The following KIF13A variants were observed in gnomAD, a reference collection of about 807,000 sequenced individuals.
The protein encoded by KIF13A is kinesin-like protein KIF13A.
In KIF13A, 79 loss-of-function variants were observed where a neutral mutation model predicts 212.2. The ratio of observed to expected loss-of-function variants is 0.37; its 90% CI spans 0.31 to 0.45. The LOEUF is 0.45. Among genes scored for constraint, KIF13A ranks in the 20% least tolerant of loss-of-function variants. The probability of loss-of-function intolerance (pLI) is 1.00; values close to 1 mark genes in which losing one functional copy is unlikely to be tolerated. For synonymous variants in KIF13A, 789 were observed against 808.6 expected (o/e 0.98, Z 0.41); for missense variants, 1,901 against 2,209.0 (o/e 0.86, Z 2.79).
rs1161840293 is a variant in KIF13A at position 17,951,889 on chromosome 6, T to C, written c.146+35165A>G. On this transcript the variant is annotated intron_variant, in intron 2 of 38. Transcript: ENST00000259711. This position sits in a 1 kb window ranked among gnomAD's most constrained non-coding sequence, Gnocchi z 4.9. Reference sequence around the variant, plus strand: ...TGGTGACTCATTACAAAAATCTTTTTTCTTAAAAGAATTTTTTGTAGCCTT... The same window carrying C: ...TGGTGACTCATTACAAAAATCTTTTCTCTTAAAAGAATTTTTTGTAGCCTT... Among the ~76,000 whole-genome samples the C allele has an allele frequency of 4.6e-5, 7 of 152,248 alleles. No individual in the cohort carries two copies. The highest frequency in any genetic ancestry group is 4.6e-4 in the Admixed American group (7 of 15,288).
intron 3 of KIF13A, among the ~76,000 whole-genome samples, chr6:17,882,773 G>T (rs1771195609): frequency 1.3e-5 from 2 of 152,216 alleles, no homozygotes; most frequent in South Asian, 4.1e-4. Context: ...TGCTGGCCAT[G>T]CTGGTCTTGA....
rs570195315 is a variant in KIF13A at position 17,763,745 on chromosome 6, A to C, written c.*365T>G. 4.0e-6 allele frequency: 3 copies of C among 751,710 alleles called. No individual in the cohort carries two copies. In the African/African-American group the frequency reaches 5.6e-5, roughly 14 times the overall value. The allele number at this position is 751,710 out of a possible 1,614,324, so 46.6% of individuals were successfully genotyped here. On this transcript the variant is annotated 3_prime_UTR_variant, in exon 39 of 39. Transcript: ENST00000259711. ...GTATTTTTTCTTAATGATACATAAA[A>C]TAATGGTTCATATAATAATCAAAGG...
rs375467736 is a variant in KIF13A, at chr6:17,934,094, G to A, written c.147-35914C>T. Among the ~76,000 whole-genome samples the A allele has an allele frequency of 1.1e-4, 16 of 151,902 alleles. No homozygotes were observed. Among genetic ancestry groups the A allele is most frequent in the East Asian group, 9.7e-4 (5 of 5,178 alleles). ...ACTTTTATTTTTTTTTGAAGAATGC[G>A]AAAAAGTAAACATTTAAGTTGAAAA... On this transcript the variant is annotated intron_variant, in intron 2 of 38. Transcript: ENST00000259711. This position sits in a 1 kb window ranked among gnomAD's most constrained non-coding sequence, Gnocchi z 5.4.
rs1460946503 is a variant in KIF13A at position 17,915,954 on chromosome 6, TAA to T, written c.147-17776_147-17775del. On this transcript the variant is annotated intron_variant, in intron 2 of 38. Transcript: ENST00000259711. The surrounding 1 kb of genome is among the most constrained non-coding windows in gnomAD (Gnocchi z 4.4). Reference sequence around the variant, plus strand: ...CCAGTCTCAAAAAAAAAAATAAAAATAAAAATAAAATAAAATAAAATAAATTA... The same window carrying T: ...CCAGTCTCAAAAAAAAAAATAAAAATAAATAAAATAAAATAAAATAAATTA... Among the ~76,000 whole-genome samples, 280 of 124,986 alleles carry T rather than the reference TAA, an allele frequency of 2.2e-3. 2 individuals carry two copies. Among genetic ancestry groups the T allele is most frequent in the South Asian group, 0.014 (49 of 3,622 alleles). 82.0% of individuals were successfully genotyped at this position (124,986 alleles called of 152,430 possible). A position where few individuals can be genotyped will look rare whatever the true frequency, so the allele number is the denominator to read the frequency against.
intron 26 of KIF13A, among the ~76,000 whole-genome samples, chr6:17,788,277 A>T (rs1273107503): frequency 6.6e-6 from 1 of 152,214 alleles, no homozygotes; most frequent in Non-Finnish European, 1.5e-5. Flanking sequence ...GGAAAATGAC[A>T]GGCATTTTCA....
At position 17,850,073 on chromosome 6, in the gene KIF13A, C is replaced by T. The variant is rs375462182; in HGVS notation, c.717+250G>A. Among the ~76,000 whole-genome samples the T allele has an allele frequency of 4.6e-5, 7 of 152,108 alleles. No individual in the cohort carries two copies. Among genetic ancestry groups the T allele is most frequent in the Non-Finnish European group, 8.8e-5 (6 of 68,020 alleles). ...AACTTCTGCCCTCAAGCAATCCTCC[C>T]GCCTCAGACTCCCAAAATGCTGGAA... On this transcript the variant is annotated intron_variant, in intron 8 of 38. Transcript: ENST00000259711. This position sits in a 1 kb window ranked among gnomAD's most constrained non-coding sequence, Gnocchi z 6.2.
chr6:17,897,830 C>T lies in KIF13A; in HGVS notation c.159+338G>A, dbSNP rs1252169976. Among the ~76,000 whole-genome samples the T allele has an allele frequency of 6.6e-6, 1 of 152,292 alleles. No individual in the cohort carries two copies. The highest frequency in any genetic ancestry group is 6.5e-5 in the Admixed American group (1 of 15,294). ...CTGTTGATACTGTGCAGTCCCAGCT[C>T]TTCCATTCACTCAATCTGTGAGTTA... On this transcript the variant is annotated intron_variant, in intron 3 of 38. Coordinates refer to ENST00000259711, the MANE Select transcript of KIF13A (RefSeq NM_022113.6). This position sits in a 1 kb window ranked among gnomAD's most constrained non-coding sequence, Gnocchi z 4.8.
chr6:17,781,990 G>C (rs1160540315), intron 29 of KIF13A, among the ~76,000 whole-genome samples: 1 of 152,024 alleles, frequency 6.6e-6, no homozygotes, highest in Non-Finnish European at 1.5e-5. Flanking sequence ...AGGCTGGAGT[G>C]CAGTGGTGTG....
In KIF13A at chr6:17,805,606, T is replaced by C; in HGVS notation, c.2173A>G (p.Ile725Val). The C allele has an allele frequency of 6.2e-7, 1 of 1,606,546 alleles. No homozygotes were observed. The highest frequency in any genetic ancestry group is 1.1e-5 in the South Asian group (1 of 90,492). ...ACTTGGATAGCTGGTTCACTCACTA[T>C]TGCACCTCTCTGCATAAGGAAGAAA... ...NLSANRKRGA[I>V]VSEPAIQVRR... Residue 725 changes from isoleucine (I) to valine (V), a missense_variant, in exon 19 of 39, where the codon ATA becomes GTA. Ile to Val is a conservative substitution (Grantham distance 29). Around this residue, in one of 5 missense-constraint regions of KIF13A, gnomAD observed 534 missense variants for 536.9 expected, o/e 0.99. Transcript: ENST00000259711.
chr6:17,791,969 C>T (rs1242634827), intron 25 of KIF13A, among the ~76,000 whole-genome samples: 1 of 144,940 alleles, frequency 6.9e-6, no homozygotes, highest in Non-Finnish European at 1.5e-5. Context: ...TTTGGGAGGT[C>T]GAGGTGGGTG....
chr6:17,973,668 AGAT>A (rs367609841), intron 2 of KIF13A, among the ~76,000 whole-genome samples: 5 of 152,344 alleles, frequency 3.3e-5, no homozygotes, highest in African/African-American at 1.2e-4. Flanking sequence ...TCAATTTTAC[AGAT>A]GAAGAAACCT....
At chr6:17,935,699 T>C (rs567933685) in intron 2 of KIF13A, among the ~76,000 whole-genome samples, 165 of 152,332 alleles carry the variant, frequency 1.1e-3, no homozygotes, top group African/African-American at 3.9e-3. Context: ...CATAAAACTG[T>C]ACCCTTGTGA....
At chr6:17,760,787 G>A, downstream of KIF13A, 1 of 1,497,470 alleles carries the variant, frequency 6.7e-7, no homozygotes, top group Non-Finnish European at 9.3e-7. Context: ...AGATGGGGCT[G>A]GTGCTTGCCC....
In KIF13A at chr6:17,982,483, T is replaced by C. The variant is rs1781178373; in HGVS notation, c.146+4571A>G. The C allele has an allele frequency of 1.0e-6, 1 of 962,612 alleles. No homozygotes were observed. The highest frequency in any genetic ancestry group is 5.4e-4 in the Middle Eastern group (1 of 1,864). The allele number at this position is 962,612 out of a possible 1,614,324, so 59.6% of individuals were successfully genotyped here. On this transcript the variant is annotated intron_variant, in intron 2 of 38. Transcript: ENST00000259711. The surrounding 1 kb of genome is among the most constrained non-coding windows in gnomAD (Gnocchi z 5.1). ...ACTAAAAAATACATACAAAGTTTAGTAAGAGGAAGCTTTCTTCAACTGACC... is the reference window on the plus strand; with the variant it reads ...ACTAAAAAATACATACAAAGTTTAGCAAGAGGAAGCTTTCTTCAACTGACC...
chr6:17,928,625 A>C (rs897621488), intron 2 of KIF13A, among the ~76,000 whole-genome samples: 1 of 152,156 alleles, frequency 6.6e-6, no homozygotes, highest in African/African-American at 2.4e-5. Flanking sequence ...CTCACTATAA[A>C]TACCTTCTCT....
chr6:17,955,663 G>A (rs1040948705), intron 2 of KIF13A, among the ~76,000 whole-genome samples: 1 of 152,190 alleles, frequency 6.6e-6, no homozygotes, highest in African/African-American at 2.4e-5. Flanking sequence ...GTTTGGATGA[G>A]ATAATATTGA....
chr6:17,775,822 C>T (rs1435190525), intron 34 of KIF13A, among the ~76,000 whole-genome samples: 3 of 152,002 alleles, frequency 2.0e-5, no homozygotes, highest in Admixed American at 6.6e-5. Context: ...AAAGACTTTA[C>T]TTGATCAGAT....
intron 2 of KIF13A, 64 bp downstream of exon 2, chr6:17,986,990 G>T: frequency 8.2e-7 from 1 of 1,218,828 alleles, no homozygotes; most frequent in Non-Finnish European, 1.2e-6. Flanking sequence ...CATTTTCCTG[G>T]CTCAAACTTG....
At chr6:17,801,429 G>A (rs549660426) in intron 20 of KIF13A, among the ~76,000 whole-genome samples, 104 of 152,212 alleles carry the variant, frequency 6.8e-4, no homozygotes, top group Non-Finnish European at 1.3e-3. Flanking sequence ...TTGAACCCGC[G>A]AGGCGGAGGT....
Sources: allele counts gnomAD v4.1 joint callset (sites outside exome capture counted in the v4.1 genomes callset), GRCh38; gene constraint gnomAD v4.1.1; regional missense constraint gnomAD v4.1.1; non-coding constraint Gnocchi (gnomAD v3.1); transcripts MANE v1.5; gene names NCBI Gene and HGNC (gene_info 2026-07-23, HGNC 2026-07-21).